Variants in BMPR1B observed in about 807,000 individuals in gnomAD.
The protein encoded by BMPR1B is bone morphogenetic protein receptor type-1B.
In BMPR1B, 12 loss-of-function variants were observed where a neutral mutation model predicts 59.1. The ratio of observed to expected loss-of-function variants is 0.20; its 90% CI spans 0.13 to 0.33. The LOEUF (loss-of-function observed/expected upper bound fraction) is 0.33, where lower values mean the gene tolerates loss of function less well. BMPR1B is among the 10% of genes least tolerant of loss of function. The probability of loss-of-function intolerance (pLI) is 1.00; values close to 1 mark genes in which losing one functional copy is unlikely to be tolerated. For missense variants in BMPR1B, 550 were observed against 610.9 expected, an observed-to-expected ratio of 0.90 and a Z score of 1.05; for synonymous variants, 237 against 207.3, an observed-to-expected ratio of 1.14 and a Z score of -1.23.
intron 1 of BMPR1B, among the ~76,000 whole-genome samples, chr4:94,858,695 AT>A (rs1725864556): frequency 6.6e-6 from 1 of 152,170 alleles, no homozygotes; most frequent in African/African-American, 2.4e-5. Context: ...TGTTATTTGT[AT>A]TAACTCCAAT....
intron 2 of BMPR1B, among the ~76,000 whole-genome samples, chr4:94,970,511 G>A (rs1730748985): frequency 6.6e-6 from 1 of 151,876 alleles, no homozygotes; most frequent in Non-Finnish European, 1.5e-5. Context: ...ACAGGGTTTC[G>A]CCCTGTTGTC....
rs1326269239 is a variant in BMPR1B at position 95,156,345 on chromosome 4, C to T, written c.*1672C>T. The T allele has an allele frequency of 6.7e-6, 1 of 149,964 alleles. No individual in the cohort carries two copies. Among genetic ancestry groups the T allele is most frequent in the Non-Finnish European group, 1.5e-5 (1 of 67,658 alleles). The allele number at this position is 149,964 out of a possible 1,614,324, so 9.3% of individuals were successfully genotyped here. The stretch of plus-strand genomic sequence containing the variant: ...TTTTTTTTTTTTTTAAGACATTCCT[C>T]CCAGAATACTCCAGGGGGCAGTGTT... On this transcript the variant is annotated 3_prime_UTR_variant, in exon 13 of 13. Coordinates refer to ENST00000515059, the MANE Select transcript of BMPR1B (RefSeq NM_001203.3).
intron 1 of BMPR1B, among the ~76,000 whole-genome samples, chr4:94,865,787 G>A (rs1292353129): frequency 6.6e-6 from 1 of 152,050 alleles, no homozygotes; most frequent in Non-Finnish European, 1.5e-5. Flanking sequence ...GTTTTTATTT[G>A]CTAAGAGGAA....
intron 3 of BMPR1B, among the ~76,000 whole-genome samples, chr4:95,084,684 A>T (rs1729434453): frequency 6.6e-6 from 1 of 152,220 alleles, no homozygotes; most frequent in African/African-American, 2.4e-5. Context: ...ATGCGGCATT[A>T]CTACATTACA....
intron 3 of BMPR1B, among the ~76,000 whole-genome samples, chr4:95,077,149 T>G (rs1386565317): frequency 6.6e-6 from 1 of 152,108 alleles, no homozygotes; most frequent in African/African-American, 2.4e-5. Context: ...GCTTGTATTT[T>G]GTAGTAATGG....
chr4:94,818,349 A>C (rs1382487923), intron 1 of BMPR1B, among the ~76,000 whole-genome samples: 1 of 152,196 alleles, frequency 6.6e-6, no homozygotes, highest in Non-Finnish European at 1.5e-5. Context: ...ACAACTATTT[A>C]GAATAGGTAC....
At chr4:94,966,579 A>G (rs892105107) in intron 2 of BMPR1B, among the ~76,000 whole-genome samples, 2 of 152,210 alleles carry the variant, frequency 1.3e-5, no homozygotes, top group African/African-American at 4.8e-5. Context: ...ACTTTTTTCA[A>G]TGAGAAATCC....
chr4:95,044,070 A>G (rs963743805), intron 3 of BMPR1B, among the ~76,000 whole-genome samples: 1 of 152,226 alleles, frequency 6.6e-6, no homozygotes, highest in Non-Finnish European at 1.5e-5. Flanking sequence ...ACTTAATAAA[A>G]TGTCTTCAGG....
intron 1 of BMPR1B, among the ~76,000 whole-genome samples, chr4:94,839,686 C>T (rs1724972464): frequency 7.0e-6 from 1 of 141,874 alleles, no homozygotes; most frequent in Non-Finnish European, 1.6e-5. Flanking sequence ...CTGAATGCAG[C>T]ACACTGATGG....
At chr4:94,790,216 G>A (rs970235020) in intron 1 of BMPR1B, among the ~76,000 whole-genome samples, 1 of 152,052 alleles carries the variant, frequency 6.6e-6, no homozygotes, top group African/African-American at 2.4e-5. Context: ...AGAGATTGGT[G>A]CCTCTAACCC....
In BMPR1B at chr4:94,890,909, A is replaced by C. The variant is rs577761796; in HGVS notation, c.-113+15009A>C. On this transcript the variant is annotated intron_variant, in intron 2 of 12. Coordinates refer to ENST00000515059, the MANE Select transcript of BMPR1B (RefSeq NM_001203.3). The stretch of plus-strand genomic sequence containing the variant: ...TGGAATATGAATTGGGGATGACACA[A>C]TTCAGTCCATAGCAGAAGTGGTTAA... 2.6e-5 allele frequency among the ~76,000 whole-genome samples: 4 copies of C among 152,152 alleles called. No homozygotes were observed. The South Asian group carries it at 6.2e-4, about 24-fold the overall frequency.
At chr4:94,833,290 C>G (rs1724675466) in intron 1 of BMPR1B, among the ~76,000 whole-genome samples, 1 of 151,858 alleles carries the variant, frequency 6.6e-6, no homozygotes. Flanking sequence ...CTACCATAGT[C>G]ACTGGCACAT....
intron 3 of BMPR1B, among the ~76,000 whole-genome samples, chr4:95,002,848 TAGAGG>T (rs1273684960): frequency 1.3e-5 from 2 of 152,190 alleles, no homozygotes; most frequent in Non-Finnish European, 2.9e-5. Flanking sequence ...GCTAATATGA[TAGAGG>T]AAAGTGATAT....
At chr4:94,972,863 G>A (rs781539854) in intron 2 of BMPR1B, among the ~76,000 whole-genome samples, 1 of 152,152 alleles carries the variant, frequency 6.6e-6, no homozygotes, top group Non-Finnish European at 1.5e-5. Flanking sequence ...ACACCTTCAA[G>A]GGACTCAGGA....
rs1053150074 is a variant in BMPR1B at position 94,837,368 on chromosome 4, G to T, written c.-182-38463G>T. ...CCTTGGGCAGTATGGCCATTTTCAC[G>T]ATATTGATTCTTCCTACCCATGAGA... On this transcript the variant is annotated intron_variant, in intron 1 of 12. Transcript: ENST00000515059. Among the ~76,000 whole-genome samples, 6 of 145,612 alleles carry T rather than the reference G, an allele frequency of 4.1e-5. 1 individual carries two copies. Among genetic ancestry groups the T allele is most frequent in the Non-Finnish European group, 9.1e-5 (6 of 65,690 alleles).
chr4:94,772,021 A>G (rs1453408033), intron 1 of BMPR1B, among the ~76,000 whole-genome samples: 1 of 152,214 alleles, frequency 6.6e-6, no homozygotes, highest in Non-Finnish European at 1.5e-5. Context: ...CTTCAAGAAG[A>G]GTTTCATCTT....
At chr4:94,908,839 C>A (rs1402913766) in intron 2 of BMPR1B, among the ~76,000 whole-genome samples, 1 of 151,960 alleles carries the variant, frequency 6.6e-6, no homozygotes, top group African/African-American at 2.4e-5. Flanking sequence ...TAGTTCTTAT[C>A]GACTCTTCAT....
At chr4:94,941,727 T>C (rs201377452) in intron 2 of BMPR1B, among the ~76,000 whole-genome samples, 1 of 152,206 alleles carries the variant, frequency 6.6e-6, no homozygotes, top group East Asian at 1.9e-4. Flanking sequence ...AATTGCTCTG[T>C]GTTTTCCAGG....
At chr4:94,982,732 C>T (rs1056760628) in intron 2 of BMPR1B, among the ~76,000 whole-genome samples, 2 of 152,126 alleles carry the variant, frequency 1.3e-5, no homozygotes, top group Non-Finnish European at 2.9e-5. Flanking sequence ...GTGGCTCACG[C>T]CTGTAATCCC....
Sources: gnomAD v4.1 joint callset for allele counts (sites outside exome capture counted in the v4.1 genomes callset) on GRCh38, gnomAD v4.1.1 for gene constraint, MANE v1.5 for transcripts, NCBI Gene and HGNC (gene_info 2026-07-23, HGNC 2026-07-21) for gene names.